ACTR3B: variants seen among roughly 807,000 people sequenced by gnomAD.
ACTR3B encodes actin-related protein 3B.
In ACTR3B, 8 loss-of-function variants were observed where a neutral mutation model predicts 59.0. The observed-to-expected ratio is 0.14, with a 90% CI of 0.08 to 0.24. ACTR3B has a LOEUF of 0.24. Ranked by LOEUF, ACTR3B falls within the 10% of genes least tolerant of loss-of-function variation. The pLI is 1.00. For synonymous variants in ACTR3B, 148 were observed against 197.9 expected, an observed-to-expected ratio of 0.75 and a Z score of 2.12; for missense variants, 245 against 552.3, an observed-to-expected ratio of 0.44 and a Z score of 5.58.
At chr7:152,836,960 C>G (rs908129489) in intron 9 of ACTR3B, among the ~76,000 whole-genome samples, 42 of 152,166 alleles carry the variant, frequency 2.8e-4, no homozygotes, top group Non-Finnish European at 5.1e-4. Flanking sequence ...TGCTTAAGAC[C>G]AGGAGCTGGA....
intron 2 of ACTR3B, among the ~76,000 whole-genome samples, chr7:152,797,826 C>G (rs1480815510): frequency 6.6e-6 from 1 of 152,090 alleles, no homozygotes; most frequent in African/African-American, 2.4e-5. Flanking sequence ...ACATAGTGCC[C>G]TCGAGGTTCA....
At chr7:152,850,666 A>G (rs928139203) in intron 9 of ACTR3B, among the ~76,000 whole-genome samples, 1 of 152,388 alleles carries the variant, frequency 6.6e-6, no homozygotes, top group African/African-American at 2.4e-5. Context: ...CTTTGTAGTC[A>G]GTCCTGGCTG....
At chr7:152,843,178 G>A (rs1272710828) in intron 9 of ACTR3B, among the ~76,000 whole-genome samples, 1 of 152,064 alleles carries the variant, frequency 6.6e-6, no homozygotes, top group Non-Finnish European at 1.5e-5. Context: ...TTGAAGAACA[G>A]AAATGTATGG....
At chr7:152,815,048 T>C (rs1795576914) in intron 5 of ACTR3B, among the ~76,000 whole-genome samples, 1 of 151,694 alleles carries the variant, frequency 6.6e-6, no homozygotes, top group African/African-American at 2.4e-5. Context: ...GGACCCTGTG[T>C]TTTCATGAGC....
chr7:152,828,668 G>A (rs529880356), intron 9 of ACTR3B, among the ~76,000 whole-genome samples: 1 of 152,294 alleles, frequency 6.6e-6, no homozygotes, highest in African/African-American at 2.4e-5. Flanking sequence ...GTGTCTTAGG[G>A]GTGTGCCTTT....
At chr7:152,832,703 G>A (rs1488241436) in intron 9 of ACTR3B, among the ~76,000 whole-genome samples, 1 of 152,120 alleles carries the variant, frequency 6.6e-6, no homozygotes, top group Non-Finnish European at 1.5e-5. Flanking sequence ...GTAAGGAATT[G>A]GCTTGCTTTC....
chr7:152,848,843 C>T (rs999898696), intron 9 of ACTR3B, among the ~76,000 whole-genome samples: 1 of 152,196 alleles, frequency 6.6e-6, no homozygotes, highest in African/African-American at 2.4e-5. Context: ...CCCCCCGTAG[C>T]TGCAGCTGTG....
chr7:152,832,052 T>C (rs1011439184), intron 9 of ACTR3B, among the ~76,000 whole-genome samples: 2 of 152,110 alleles, frequency 1.3e-5, no homozygotes, highest in African/African-American at 4.8e-5. Flanking sequence ...AGGAAGGCCA[T>C]TGTAGAACCA....
At chr7:152,805,454 ACT>A (rs1040049823) in intron 4 of ACTR3B, among the ~76,000 whole-genome samples, 69 of 152,316 alleles carry the variant, frequency 4.5e-4, no homozygotes, top group African/African-American at 1.6e-3. Flanking sequence ...TGGAAAATTA[ACT>A]CTGATTACTA....
intron 1 of ACTR3B, among the ~76,000 whole-genome samples, chr7:152,774,112 A>G (rs1443410999): frequency 1.3e-5 from 2 of 151,940 alleles, no homozygotes; most frequent in African/African-American, 2.4e-5. Context: ...CCACATCCTC[A>G]TGGTTTAATA....
chr7:152,828,217 T>C (rs1368455732), intron 9 of ACTR3B, among the ~76,000 whole-genome samples: 3 of 152,086 alleles, frequency 2.0e-5, no homozygotes, highest in African/African-American at 7.3e-5. Flanking sequence ...TGGCCTTTGC[T>C]AGTTCCTCAG....
intron 4 of ACTR3B, among the ~76,000 whole-genome samples, chr7:152,803,191 A>G (rs939732481): frequency 6.6e-6 from 1 of 152,210 alleles, no homozygotes; most frequent in African/African-American, 2.4e-5. Context: ...GACCACAGGT[A>G]GAAGCCACTA....
At chr7:152,799,870 A>G (rs1337855560) in intron 2 of ACTR3B, among the ~76,000 whole-genome samples, 1 of 152,242 alleles carries the variant, frequency 6.6e-6, no homozygotes, top group African/African-American at 2.4e-5. Flanking sequence ...GTGAATTGAT[A>G]TGATTATTTA....
chr7:152,834,844 G>A (rs1193614477), intron 9 of ACTR3B, among the ~76,000 whole-genome samples: 1 of 152,156 alleles, frequency 6.6e-6, no homozygotes, highest in Non-Finnish European at 1.5e-5. Flanking sequence ...GATACTTTCT[G>A]GCTAAAATGC....
chr7:152,845,927 G>T (rs551611902), intron 9 of ACTR3B, among the ~76,000 whole-genome samples: 1 of 152,228 alleles, frequency 6.6e-6, no homozygotes, highest in South Asian at 2.1e-4. Flanking sequence ...GAAACAAATA[G>T]AATTGCTTTT....
At position 152,849,140 on chromosome 7, in the gene ACTR3B, A is replaced by C. The variant is rs6957153; in HGVS notation, c.952-2986A>C. On this transcript the variant is annotated intron_variant, in intron 9 of 11. Coordinates refer to ENST00000256001, the MANE Select transcript of ACTR3B (RefSeq NM_020445.6). ...GAGTTTTGAGAAAGCAAACAAGTAC[A>C]TAGCAGTGAAACCCCCAGATGAGGA... 3.1e-3 allele frequency among the ~76,000 whole-genome samples: 471 copies of C among 152,344 alleles called. 1 individual carries two copies. Among genetic ancestry groups the C allele is most frequent in the African/African-American group, 0.011 (452 of 41,578 alleles).
At chr7:152,844,546 G>A (rs1798119603) in intron 9 of ACTR3B, among the ~76,000 whole-genome samples, 1 of 151,828 alleles carries the variant, frequency 6.6e-6, no homozygotes, top group South Asian at 2.1e-4. Flanking sequence ...AAAACTAAAT[G>A]GCCATTCTAG....
At chr7:152,827,759 C>G (rs537110759) in intron 9 of ACTR3B, among the ~76,000 whole-genome samples, 9 of 152,346 alleles carry the variant, frequency 5.9e-5, no homozygotes, top group Non-Finnish European at 4.4e-5. Context: ...TGGTGGGCAC[C>G]ACTGCCTCTC....
In ACTR3B at chr7:152,775,216, AG is replaced by A. The variant is rs371849445; in HGVS notation, c.45-7970del. Among the ~76,000 whole-genome samples the A allele has an allele frequency of 2.2e-3, 312 of 141,920 alleles. 3 individuals carry two copies. The highest frequency in any genetic ancestry group is 8.0e-3 in the African/African-American group (294 of 36,692). 93.1% of individuals were successfully genotyped at this position (141,920 alleles called of 152,430 possible). ...AAAAAAAAAAAAAAAAAAAAAAAAA[AG>A]ATGTAAAACACTGTTTTAAGATGTA... is the stretch of plus-strand genomic sequence containing the variant. On this transcript the variant is annotated intron_variant, in intron 1 of 11. Coordinates refer to ENST00000256001, the MANE Select transcript of ACTR3B (RefSeq NM_020445.6).
Sources: gnomAD v4.1 joint callset for allele counts (sites outside exome capture counted in the v4.1 genomes callset) on GRCh38, gnomAD v4.1.1 for gene constraint, MANE v1.5 for transcripts, NCBI Gene and HGNC (gene_info 2026-07-23, HGNC 2026-07-21) for gene names.